The following DPF3 variants were observed in gnomAD, a reference collection of about 807,000 sequenced individuals.
DPF3 encodes the protein zinc finger protein DPF3.
A neutral mutation model predicts 56.8 loss-of-function variants in DPF3; 18 were observed. The ratio of observed to expected loss-of-function variants is 0.32; its 90% confidence interval spans 0.22 to 0.47. The LOEUF is 0.47. DPF3 is among the 20% of genes least tolerant of loss of function. DPF3 has a pLI of 1.00. For missense variants in DPF3, 403 were observed against 488.8 expected, an observed-to-expected ratio of 0.82 and a Z score of 1.65; for synonymous variants, 188 against 180.2, an observed-to-expected ratio of 1.04 and a Z score of -0.35.
At chr14:72,870,123 G>A (rs1274150159) in intron 1 of DPF3, among the ~76,000 whole-genome samples, 1 of 152,140 alleles carries the variant, frequency 6.6e-6, no homozygotes, top group Non-Finnish European at 1.5e-5. Context: ...AGTTTGGAAT[G>A]CCAGCTTGTC....
chr14:72,759,698 C>T (rs1297961381), intron 2 of DPF3, among the ~76,000 whole-genome samples: 1 of 152,120 alleles, frequency 6.6e-6, no homozygotes, highest in Non-Finnish European at 1.5e-5. Flanking sequence ...AAGCTAGGTA[C>T]AATAAACATT....
At chr14:72,685,470 G>A (rs546615421) in intron 7 of DPF3, among the ~76,000 whole-genome samples, 15 of 152,268 alleles carry the variant, frequency 9.9e-5, no homozygotes, top group African/African-American at 1.4e-4. Flanking sequence ...TAGTTGTTCC[G>A]TCATCTCTTT....
rs376458640 is a variant in DPF3, at chr14:72,838,908, C to CTTTTTTTTTTT, written c.32+55138_32+55148dup. On this transcript the variant is annotated intron_variant, in intron 1 of 10. Transcript: ENST00000556509. ...TATCATATATATTATCATATATATT[C>CTTTTTTTTTTT]TTTTTTTTTTTTTTTTTTTTTTTTT... Among the ~76,000 whole-genome samples, 88 of 78,576 alleles carry CTTTTTTTTTTT rather than the reference C, an allele frequency of 1.1e-3. 20 individuals are homozygous for CTTTTTTTTTTT. Among genetic ancestry groups the CTTTTTTTTTTT allele is most frequent in the African/African-American group, 5.1e-3 (74 of 14,404 alleles). The allele number at this position is 78,576 out of a possible 152,430, so 51.5% of individuals were successfully genotyped here.
intron 1 of DPF3, among the ~76,000 whole-genome samples, chr14:72,870,144 C>T (rs575384500): frequency 6.6e-6 from 1 of 152,256 alleles, no homozygotes; most frequent in East Asian, 1.9e-4. Context: ...AAGCACAGAT[C>T]CCTGCCTACC....
chr14:72,762,284 C>G (rs1173866580), intron 2 of DPF3, among the ~76,000 whole-genome samples: 1 of 151,640 alleles, frequency 6.6e-6, no homozygotes, highest in Non-Finnish European at 1.5e-5. Flanking sequence ...TGCAAAAACT[C>G]TAATAAAACT....
At chr14:72,731,960 G>T (rs369286574) in intron 3 of DPF3, 26 bp from the exon 4 acceptor site, 8 of 1,561,324 alleles carry the variant, frequency 5.1e-6, no homozygotes, top group African/African-American at 1.4e-5. Context: ...AGAAAGGCAG[G>T]TCAGGCCACT....
At chr14:72,679,893 G>A (rs901558584) in intron 7 of DPF3, among the ~76,000 whole-genome samples, 7 of 152,346 alleles carry the variant, frequency 4.6e-5, no homozygotes, top group African/African-American at 1.4e-4. Flanking sequence ...AAGCTTGGGG[G>A]CCGGAGATGA....
At chr14:72,696,139 G>C (rs531389809) in intron 6 of DPF3, among the ~76,000 whole-genome samples, 8 of 152,194 alleles carry the variant, frequency 5.3e-5, no homozygotes, top group African/African-American at 1.7e-4. Flanking sequence ...AGGAATAAAT[G>C]CTTATTAAAA....
chr14:72,662,158 A>C lies in DPF3; in HGVS notation c.871+12082T>G, dbSNP rs1886244124. ...CAATAGACTTTTGAAGGAGGAAAAAAAAACTGAGCACTCCTCACTTACCAC... is the reference window on the plus strand; with the variant it reads ...CAATAGACTTTTGAAGGAGGAAAAACAAACTGAGCACTCCTCACTTACCAC... On this transcript the variant is annotated intron_variant, in intron 8 of 10. Coordinates refer to ENST00000556509, the MANE Select transcript of DPF3 (RefSeq NM_001280542.3). 4 of 985,294 alleles carry C rather than the reference A, an allele frequency of 4.1e-6. No homozygotes were observed. In the African/African-American group the frequency reaches 7.0e-5, roughly 17 times the overall value. 61.0% of individuals were successfully genotyped at this position (985,294 alleles called of 1,614,324 possible). A position where few individuals can be genotyped will look rare whatever the true frequency, so the allele number is the denominator to read the frequency against.
chr14:72,736,000 C>T (rs1889877815), intron 3 of DPF3, among the ~76,000 whole-genome samples: 1 of 152,130 alleles, frequency 6.6e-6, no homozygotes, highest in Non-Finnish European at 1.5e-5. Context: ...TGGTAAGTAT[C>T]CTAAAAATGC....
chr14:72,874,535 C>T (rs1886034435), intron 1 of DPF3, among the ~76,000 whole-genome samples: 1 of 152,000 alleles, frequency 6.6e-6, no homozygotes, highest in African/African-American at 2.4e-5. Context: ...TAAATCATCT[C>T]TCTCAAGTTC....
chr14:72,655,040 C>T (rs1033481894), intron 8 of DPF3, among the ~76,000 whole-genome samples: 7 of 152,116 alleles, frequency 4.6e-5, no homozygotes, highest in African/African-American at 1.7e-4. Context: ...AGTTTCAGCA[C>T]AAATGTTCAT....
chr14:72,826,609 G>A (rs910870983), intron 1 of DPF3, among the ~76,000 whole-genome samples: 2 of 152,196 alleles, frequency 1.3e-5, no homozygotes, highest in Admixed American at 1.3e-4. Context: ...TTCTTATTCA[G>A]GAGCTCATTC....
chr14:72,799,321 C>A (rs191795741), intron 1 of DPF3, among the ~76,000 whole-genome samples: 2 of 152,142 alleles, frequency 1.3e-5, no homozygotes, highest in Non-Finnish European at 2.9e-5. Flanking sequence ...CCCACTCTAC[C>A]CTCCAACTTC....
At chr14:72,827,891 G>A (rs370196146) in intron 1 of DPF3, among the ~76,000 whole-genome samples, 11 of 152,094 alleles carry the variant, frequency 7.2e-5, no homozygotes, top group Non-Finnish European at 1.2e-4. Flanking sequence ...GCTTTAGGCT[G>A]TAGTAAGCCA....
intron 1 of DPF3, among the ~76,000 whole-genome samples, chr14:72,883,142 T>C (rs1276466935): frequency 6.6e-6 from 1 of 152,180 alleles, no homozygotes; most frequent in East Asian, 1.9e-4. Context: ...TGATGTTTTT[T>C]GCTTCATTTG....
At chr14:72,850,825 A>ACG (rs1261742631) in intron 1 of DPF3, among the ~76,000 whole-genome samples, 10 of 152,236 alleles carry the variant, frequency 6.6e-5, no homozygotes, top group Middle Eastern at 3.4e-3. Flanking sequence ...GTGTGTGCGC[A>ACG]CGCGCATGTG....
chr14:72,781,659 A>T (rs7159108), intron 1 of DPF3, among the ~76,000 whole-genome samples: 86,218 of 150,014 alleles, frequency 0.57, 27,834 homozygotes, highest in East Asian at 0.82. Flanking sequence ...GCCAAGGACA[A>T]GAGACTGGTG....
chr14:72,721,926 G>GA (rs545216147), intron 5 of DPF3, among the ~76,000 whole-genome samples: 6 of 151,078 alleles, frequency 4.0e-5, no homozygotes, highest in South Asian at 2.1e-4. Context: ...ATGGCATGGA[G>GA]AAAAAAAAAT....
Sources: gnomAD v4.1 joint callset for allele counts (sites outside exome capture counted in the v4.1 genomes callset) on GRCh38, gnomAD v4.1.1 for gene constraint, MANE v1.5 for transcripts, NCBI Gene and HGNC (gene_info 2026-07-23, HGNC 2026-07-21) for gene names.